The following CARMIL1 variants were observed in gnomAD, a reference collection of about 807,000 sequenced individuals.
The protein encoded by CARMIL1 is F-actin-uncapping protein LRRC16A.
CARMIL1 carries 90 observed loss-of-function variants against 177.1 expected under a neutral mutation model. The ratio of observed to expected loss-of-function variants is 0.51; its 90% CI spans 0.43 to 0.61. The LOEUF (loss-of-function observed/expected upper bound fraction) is 0.61, where lower values mean the gene tolerates loss of function less well. Among genes scored for constraint, CARMIL1 ranks in the 20% least tolerant of loss-of-function variants. The probability of loss-of-function intolerance (pLI) is 0.00; values close to 1 mark genes in which losing one functional copy is unlikely to be tolerated. For synonymous variants in CARMIL1, 577 were observed against 606.2 expected (o/e 0.95, Z 0.71); for missense variants, 1,380 against 1,667.0 (o/e 0.83, Z 3.00).
intron 31 of CARMIL1, among the ~76,000 whole-genome samples, chr6:25,584,026 C>CTTTTTTTTTTTT (rs71544648): frequency 4.7e-4 from 56 of 119,106 alleles, no homozygotes; most frequent in East Asian, 7.6e-4. Context: ...TTTTCTTTTT[C>CTTTTTTTTTTTT]TTTTTTTTTT....
At chr6:25,382,947 T>G (rs893332805) in intron 2 of CARMIL1, among the ~76,000 whole-genome samples, 4 of 152,116 alleles carry the variant, frequency 2.6e-5, no homozygotes, top group African/African-American at 9.7e-5. Context: ...ATATTTCTTA[T>G]TATATCATAA....
At chr6:25,437,581 A>G (rs1797343592) in intron 5 of CARMIL1, among the ~76,000 whole-genome samples, 1 of 152,096 alleles carries the variant, frequency 6.6e-6, no homozygotes, top group African/African-American at 2.4e-5. Context: ...CTTCGTCCCC[A>G]CCTACCAGCT....
intron 13 of CARMIL1, among the ~76,000 whole-genome samples, chr6:25,490,516 G>A (rs1426474964): frequency 6.6e-6 from 1 of 152,002 alleles, no homozygotes; most frequent in African/African-American, 2.4e-5. Context: ...TGGACAATAT[G>A]TTGAAACCCT....
intron 2 of CARMIL1, among the ~76,000 whole-genome samples, chr6:25,408,850 A>G (rs1023847909): frequency 6.6e-6 from 1 of 151,972 alleles, no homozygotes; most frequent in African/African-American, 2.4e-5. Context: ...ATTTTGAGCC[A>G]GGTATTAGCC....
chr6:25,366,427 A>T (rs1789807731), intron 2 of CARMIL1, among the ~76,000 whole-genome samples: 1 of 151,996 alleles, frequency 6.6e-6, no homozygotes, highest in Non-Finnish European at 1.5e-5. Context: ...TCTGTGCCTG[A>T]CATTTAAAAT....
chr6:25,346,820 T>C (rs1295669487), intron 2 of CARMIL1, among the ~76,000 whole-genome samples: 1 of 152,218 alleles, frequency 6.6e-6, no homozygotes, highest in African/African-American at 2.4e-5. Flanking sequence ...TCATGTTCCC[T>C]CTTAAAGTAT....
chr6:25,360,070 ACAT>A (rs1215759065), intron 2 of CARMIL1, among the ~76,000 whole-genome samples: 1 of 152,174 alleles, frequency 6.6e-6, no homozygotes, highest in African/African-American at 2.4e-5. Flanking sequence ...GCCAGATAAG[ACAT>A]CATTCAGCCT....
intron 2 of CARMIL1, among the ~76,000 whole-genome samples, chr6:25,317,661 G>C (rs1561976576): frequency 6.7e-6 from 1 of 149,250 alleles, no homozygotes; most frequent in Non-Finnish European, 1.5e-5. Flanking sequence ...CCACCTCCTG[G>C]GATCAACCCC....
chr6:25,420,600 A>T (rs896828266), intron 3 of CARMIL1, among the ~76,000 whole-genome samples: 5 of 152,122 alleles, frequency 3.3e-5, no homozygotes, highest in African/African-American at 1.2e-4. Context: ...AAGACTTCAG[A>T]CATGTGGGGA....
At chr6:25,416,672 A>T (rs72831243) in intron 2 of CARMIL1, among the ~76,000 whole-genome samples, 48,975 of 151,956 alleles carry the variant, frequency 0.32, 8,177 homozygotes, top group Non-Finnish European at 0.37. Flanking sequence ...CCTTACTTTT[A>T]ATGTAAGGTG....
At chr6:25,480,428 T>C (rs1473224111) in intron 11 of CARMIL1, among the ~76,000 whole-genome samples, 1 of 151,824 alleles carries the variant, frequency 6.6e-6, no homozygotes, top group Admixed American at 6.6e-5. Flanking sequence ...TCTTTAGTAA[T>C]GTTTCTTAAA....
At chr6:25,424,123 A>C (rs1796095595) in intron 3 of CARMIL1, among the ~76,000 whole-genome samples, 1 of 152,158 alleles carries the variant, frequency 6.6e-6, no homozygotes, top group Non-Finnish European at 1.5e-5. Context: ...TCAACTAATC[A>C]CAGACTCAGC....
At position 25,556,846 on chromosome 6, in the gene CARMIL1, G is replaced by A. The variant is rs779639724; in HGVS notation, c.2738G>A (p.Cys913Tyr). The change falls in exon 29 of 37, where the codon TGT (cysteine) becomes TAT (tyrosine). Residue 913 changes from cysteine (C) to tyrosine (Y), a missense_variant. Coordinates refer to ENST00000329474, the MANE Select transcript of CARMIL1 (RefSeq NM_017640.6). ...GAGCGTTTGGAAGATCTGGATACCT[G>A]TATGGTAAGACACATCCTCTGGTGG... ...EIERLEDLDT[C>Y]MMTPKSKRKS... is the part of the protein sequence containing the mutation. The A allele has an allele frequency of 6.2e-7, 1 of 1,611,244 alleles. No homozygotes were observed. Among genetic ancestry groups the A allele is most frequent in the African/African-American group, 1.3e-5 (1 of 74,716 alleles).
At chr6:25,536,996 A>T (rs923905321) in intron 24 of CARMIL1, among the ~76,000 whole-genome samples, 8 of 152,142 alleles carry the variant, frequency 5.3e-5, no homozygotes, top group African/African-American at 1.9e-4. Flanking sequence ...TTAAAACCAC[A>T]CTGTGGTTAT....
At chr6:25,387,692 G>C (rs1042061294) in intron 2 of CARMIL1, among the ~76,000 whole-genome samples, 4 of 152,188 alleles carry the variant, frequency 2.6e-5, no homozygotes, top group African/African-American at 9.7e-5. Flanking sequence ...CAATGAGTGT[G>C]AGGAACTGAA....
chr6:25,553,951 T>C lies in CARMIL1; in HGVS notation c.2505-58T>C. ...TTATCACTATAGCAGCAAGGGTGGA[T>C]CATTTTCCCCTCTTGCACAAATTAA... On this transcript the variant is annotated intron_variant, in intron 27 of 36. Transcript: ENST00000329474. The C allele has an allele frequency of 4.6e-6, 5 of 1,097,162 alleles. 1 individual carries two copies. Among genetic ancestry groups the C allele is most frequent in the Non-Finnish European group, 6.8e-6 (5 of 733,984 alleles). 68.0% of individuals were successfully genotyped at this position (1,097,162 alleles called of 1,614,324 possible).
At chr6:25,492,377 G>A (rs910815697) in intron 15 of CARMIL1, among the ~76,000 whole-genome samples, 1 of 152,174 alleles carries the variant, frequency 6.6e-6, no homozygotes, top group African/African-American at 2.4e-5. Flanking sequence ...CTTTCAGAGA[G>A]TAAAGAGAAT....
At chr6:25,305,850 C>T (rs1783217539) in intron 2 of CARMIL1, among the ~76,000 whole-genome samples, 1 of 152,198 alleles carries the variant, frequency 6.6e-6, no homozygotes, top group Admixed American at 6.5e-5. Flanking sequence ...GTGCCTGTCT[C>T]TACCACTGAA....
intron 33 of CARMIL1, among the ~76,000 whole-genome samples, chr6:25,601,863 T>G (rs745632835): frequency 6.6e-6 from 1 of 152,240 alleles, no homozygotes; most frequent in Non-Finnish European, 1.5e-5. Flanking sequence ...TGTGATAAGA[T>G]GAACATACCT....
Sources: allele counts gnomAD v4.1 joint callset (sites outside exome capture counted in the v4.1 genomes callset), GRCh38; gene constraint gnomAD v4.1.1; transcripts MANE v1.5; gene names NCBI Gene and HGNC (gene_info 2026-07-23, HGNC 2026-07-21).